The following DRC11 variants were observed in gnomAD, a reference collection of about 807,000 sequenced individuals.
The protein encoded by DRC11 is dynein regulatory complex subunit 11, also known as IQ and AAA domain-containing protein 1.
chr2:236,388,709 C>T, the DRC11 span, among the ~76,000 whole-genome samples: 1 of 150,712 alleles, frequency 6.6e-6, no homozygotes, highest in Non-Finnish European at 1.5e-5. Context: ...TGGTGAGGAA[C>T]TGCGTTCCTT....
At chr2:236,438,021 C>T in the DRC11 span, among the ~76,000 whole-genome samples, 14 of 139,144 alleles carry the variant, frequency 1.0e-4, no homozygotes, top group Non-Finnish European at 2.0e-4. Flanking sequence ...CTTGCCCATG[C>T]CTATGTCCTG....
At chr2:236,476,719 C>T in the DRC11 span, among the ~76,000 whole-genome samples, 5 of 150,932 alleles carry the variant, frequency 3.3e-5, no homozygotes, top group Admixed American at 2.0e-4. The surrounding 1 kb of genome is among the most constrained non-coding windows in gnomAD (Gnocchi z 4.7). Flanking sequence ...GGTGAATGAC[C>T]TTTCTTTTTT....
chr2:236,418,411 T>G, the DRC11 span, among the ~76,000 whole-genome samples: 932 of 152,360 alleles, frequency 6.1e-3, 10 homozygotes, highest in African/African-American at 0.021. Context: ...TCCGACTGGA[T>G]TTTGGTCAGC....
At chr2:236,417,667 C>T in the DRC11 span, among the ~76,000 whole-genome samples, 1 of 151,740 alleles carries the variant, frequency 6.6e-6, no homozygotes, top group African/African-American at 2.4e-5. Context: ...CCTATCAACC[C>T]GTCATCTAGG....
At chr2:236,326,677 G>A in the DRC11 span, among the ~76,000 whole-genome samples, 1 of 151,792 alleles carries the variant, frequency 6.6e-6, no homozygotes, top group African/African-American at 2.4e-5. Flanking sequence ...TCTAATGGAA[G>A]TCATGCTCTC....
chr2:236,394,258 C>T, the DRC11 span, among the ~76,000 whole-genome samples: 2 of 152,174 alleles, frequency 1.3e-5, no homozygotes, highest in Non-Finnish European at 2.9e-5. This position sits in a 1 kb window ranked among gnomAD's most constrained non-coding sequence, Gnocchi z 7.0. Flanking sequence ...GTGCCTGCGT[C>T]TTTAGTGGTC....
chr2:236,410,156 A>G, the DRC11 span, among the ~76,000 whole-genome samples: 7 of 151,110 alleles, frequency 4.6e-5, no homozygotes, highest in Non-Finnish European at 7.4e-5. Flanking sequence ...CTCTTTTTCT[A>G]TTGATTGGAA....
the DRC11 span, among the ~76,000 whole-genome samples, chr2:236,340,691 CA>C: frequency 6.6e-6 from 1 of 152,166 alleles, no homozygotes; most frequent in Non-Finnish European, 1.5e-5. Flanking sequence ...CTCAGCAACC[CA>C]GTTGCCATGG....
At chr2:236,357,570 ATAGT>A in the DRC11 span, among the ~76,000 whole-genome samples, 2 of 125,124 alleles carry the variant, frequency 1.6e-5, no homozygotes, top group African/African-American at 6.4e-5. Flanking sequence ...ACATATATGC[ATAGT>A]TATATATTAT....
chr2:236,378,681 A>G, the DRC11 span, among the ~76,000 whole-genome samples: 2 of 151,944 alleles, frequency 1.3e-5, no homozygotes, highest in Admixed American at 1.3e-4. Flanking sequence ...TCTCAAAAAA[A>G]AAAAAAAAAA....
At chr2:236,455,747 C>T in the DRC11 span, among the ~76,000 whole-genome samples, 1 of 152,176 alleles carries the variant, frequency 6.6e-6, no homozygotes, top group Non-Finnish European at 1.5e-5. This position sits in a 1 kb window ranked among gnomAD's most constrained non-coding sequence, Gnocchi z 5.7. Flanking sequence ...TGCATTTAAG[C>T]TGTATCTTAA....
At chr2:236,498,011 T>C in the DRC11 span, among the ~76,000 whole-genome samples, 5 of 152,144 alleles carry the variant, frequency 3.3e-5, no homozygotes, top group African/African-American at 1.2e-4. Flanking sequence ...GTAGATAACA[T>C]AAATGTCCAC....
At chr2:236,417,741 C>T in the DRC11 span, among the ~76,000 whole-genome samples, 1 of 151,948 alleles carries the variant, frequency 6.6e-6, no homozygotes, top group South Asian at 2.1e-4. Flanking sequence ...CCCCCATCCC[C>T]TAACAGGCCC....
chr2:236,442,109 A>T, the DRC11 span, among the ~76,000 whole-genome samples: 1 of 152,202 alleles, frequency 6.6e-6, no homozygotes, highest in Admixed American at 6.5e-5. Context: ...TCCAAAATAA[A>T]CAAATAATTA....
the DRC11 span, among the ~76,000 whole-genome samples, chr2:236,491,088 T>C: frequency 7.3e-6 from 1 of 137,398 alleles, no homozygotes; most frequent in Non-Finnish European, 1.5e-5. Context: ...AAGAAGAATA[T>C]ATACTCTGTG....
chr2:236,308,030 G>A, the DRC11 span, among the ~76,000 whole-genome samples: 1 of 152,198 alleles, frequency 6.6e-6, no homozygotes, highest in African/African-American at 2.4e-5. This position sits in a 1 kb window ranked among gnomAD's most constrained non-coding sequence, Gnocchi z 6.0. Context: ...TGCTTGCAGT[G>A]ACGCAGGCGT....
chr2:236,357,175 T>TTA, the DRC11 span, among the ~76,000 whole-genome samples: 3 of 89,852 alleles, frequency 3.3e-5, no homozygotes, highest in East Asian at 5.1e-4. Context: ...TATCTATATA[T>TTA]TATATATATT....
At chr2:236,380,759 G>A in the DRC11 span, 18 of 714,502 alleles carry the variant, frequency 2.5e-5, 1 homozygote, top group East Asian at 5.4e-5. This position sits in a 1 kb window ranked among gnomAD's most constrained non-coding sequence, Gnocchi z 4.9. Flanking sequence ...TTGTGGTGGC[G>A]TGAACACAGA....
At chr2:236,381,510 G>A in the DRC11 span, among the ~76,000 whole-genome samples, 1 of 151,916 alleles carries the variant, frequency 6.6e-6, no homozygotes, top group Non-Finnish European at 1.5e-5. This position sits in a 1 kb window ranked among gnomAD's most constrained non-coding sequence, Gnocchi z 5.8. Context: ...ATTAATTTCT[G>A]TTGTTTATAA....
Sources: allele counts gnomAD v4.1 joint callset (sites outside exome capture counted in the v4.1 genomes callset), GRCh38; gene constraint gnomAD v4.1.1; non-coding constraint Gnocchi (gnomAD v3.1); transcripts MANE v1.5; gene names NCBI Gene and HGNC (gene_info 2026-07-23, HGNC 2026-07-21).